Variants in GRK3 observed in about 807,000 individuals in gnomAD.
The protein encoded by GRK3 is G protein-coupled receptor kinase 3.
Under a neutral mutation model 95.7 loss-of-function variants are expected in GRK3, and 54 were observed. The observed-to-expected ratio is 0.56, with a 90% confidence interval of 0.45 to 0.71. The LOEUF is 0.71. Among genes scored for constraint, GRK3 ranks in the 30% least tolerant of loss-of-function variants. GRK3 has a pLI of 0.00. For synonymous variants in GRK3, 281 were observed against 290.8 expected, an observed-to-expected ratio of 0.97 and a Z score of 0.34; for missense variants, 649 against 851.2, an observed-to-expected ratio of 0.76 and a Z score of 2.96.
intron 3 of GRK3, among the ~76,000 whole-genome samples, chr22:25,645,731 G>A (rs1010302908): frequency 2.6e-5 from 4 of 152,162 alleles, no homozygotes; most frequent in South Asian, 2.1e-4. Context: ...GACCATCCTG[G>A]CTAACATGGT....
chr22:25,667,830 A>G lies in GRK3; in HGVS notation c.503+30A>G, dbSNP rs184215569. On this transcript the variant is annotated intron_variant, in intron 6 of 20. Coordinates refer to ENST00000324198, the MANE Select transcript of GRK3 (RefSeq NM_005160.4). ...GAAACTTTATGCATATATATACACA[A>G]TTTTTTATCATGTACGTGTACCTCA... 3.8e-6 allele frequency: 5 copies of G among 1,308,608 alleles called. No individual in the cohort carries two copies. The Admixed American group carries it at 5.2e-5, about 14-fold the overall frequency. 81.1% of individuals were successfully genotyped at this position (1,308,608 alleles called of 1,614,324 possible).
rs767552697 is a variant in GRK3 at position 25,667,700 on chromosome 22, G to A, written c.442-39G>A. The stretch of plus-strand genomic sequence containing the variant: ...GGTTTGTGTTTTTTTGATACATTCC[G>A]ATTCATTCACCGTGGAATTTCTTTT... On this transcript the variant is annotated intron_variant, in intron 5 of 20. Transcript: ENST00000324198. 7 of 1,465,636 alleles carry A rather than the reference G, an allele frequency of 4.8e-6. No individual in the cohort carries two copies. The East Asian group carries it at 6.8e-5, about 14-fold the overall frequency. The allele number at this position is 1,465,636 out of a possible 1,614,324, so 90.8% of individuals were successfully genotyped here. A position where few individuals can be genotyped will look rare whatever the true frequency, so the allele number is the denominator to read the frequency against.
At chr22:25,660,458 GATCTTTCAGGACA>G in intron 3 of GRK3, among the ~76,000 whole-genome samples, 1 of 152,290 alleles carries the variant, frequency 6.6e-6, no homozygotes, top group East Asian at 1.9e-4. Flanking sequence ...TAACACTGAT[GATCTTTCAGGACA>G]ATTAAGATGT....
chr22:25,583,665 G>A (rs1294186299), intron 1 of GRK3, among the ~76,000 whole-genome samples: 1 of 152,162 alleles, frequency 6.6e-6, no homozygotes, highest in Admixed American at 6.5e-5. Context: ...TAAGGATGCA[G>A]CACCTATCTT....
At chr22:25,578,955 A>C (rs984023784) in intron 1 of GRK3, among the ~76,000 whole-genome samples, 2 of 152,124 alleles carry the variant, frequency 1.3e-5, no homozygotes, top group African/African-American at 4.8e-5. Flanking sequence ...ATCTCATGCT[A>C]TCCACAAGAG....
chr22:25,587,473 GGCTGGA>G (rs1221664824), intron 1 of GRK3, among the ~76,000 whole-genome samples: 3 of 152,034 alleles, frequency 2.0e-5, no homozygotes, highest in Non-Finnish European at 4.4e-5. Context: ...CTGTCACCCA[GGCTGGA>G]GTGCAGTGGC....
At chr22:25,651,571 A>G (rs2146391148) in intron 3 of GRK3, among the ~76,000 whole-genome samples, 1 of 152,362 alleles carries the variant, frequency 6.6e-6, no homozygotes, top group Middle Eastern at 3.4e-3. Context: ...ACAACTTGTG[A>G]CATGAGATTC....
intron 2 of GRK3, among the ~76,000 whole-genome samples, chr22:25,643,743 A>G (rs935291708): frequency 6.6e-6 from 1 of 152,218 alleles, no homozygotes; most frequent in African/African-American, 2.4e-5. Flanking sequence ...GGAGCCTTAT[A>G]AATCAGGTAA....
chr22:25,661,719 T>C, intron 4 of GRK3, 42 bp downstream of exon 4: 1 of 1,244,678 alleles, frequency 8.0e-7, no homozygotes, highest in Non-Finnish European at 1.2e-6. Context: ...TACTGATGAA[T>C]AAGGGACCAT....
At chr22:25,708,337 G>A (rs2085316478) in intron 15 of GRK3, among the ~76,000 whole-genome samples, 1 of 152,164 alleles carries the variant, frequency 6.6e-6, no homozygotes, top group Admixed American at 6.5e-5. Flanking sequence ...CCTGAGGGAA[G>A]ACAGGCATCC....
chr22:25,656,617 A>G (rs1330214346), intron 3 of GRK3, among the ~76,000 whole-genome samples: 1 of 152,174 alleles, frequency 6.6e-6, no homozygotes, highest in Non-Finnish European at 1.5e-5. Flanking sequence ...ATGAGCTACT[A>G]CTACTCCTGG....
chr22:25,637,375 GT>G (rs2084710084), intron 2 of GRK3, among the ~76,000 whole-genome samples: 1 of 152,196 alleles, frequency 6.6e-6, no homozygotes, highest in African/African-American at 2.4e-5. Flanking sequence ...TTGCTTATAT[GT>G]TTCTCTGGAG....
At chr22:25,712,116 G>A (rs2085348536) in intron 17 of GRK3, among the ~76,000 whole-genome samples, 1 of 152,220 alleles carries the variant, frequency 6.6e-6, no homozygotes, top group Non-Finnish European at 1.5e-5. Context: ...AGTGGCAGCT[G>A]GTCAGAGCTA....
intron 1 of GRK3, among the ~76,000 whole-genome samples, chr22:25,587,312 C>T (rs192489308): frequency 4.7e-4 from 72 of 152,348 alleles, no homozygotes; most frequent in Non-Finnish European, 1.0e-3. Flanking sequence ...TAGTCTCTGT[C>T]CTCTAATAAT....
At chr22:25,570,179 A>G (rs1472061688) in intron 1 of GRK3, among the ~76,000 whole-genome samples, 2 of 152,350 alleles carry the variant, frequency 1.3e-5, no homozygotes, top group East Asian at 3.9e-4. Context: ...CGAAAACGGT[A>G]ATTATGAGTA....
chr22:25,687,744 T>C, intron 11 of GRK3, 77 bp downstream of exon 11: 1 of 1,522,042 alleles, frequency 6.6e-7, no homozygotes, highest in Non-Finnish European at 9.0e-7. Context: ...TTCTATTTCA[T>C]AGAGTCCTGT....
chr22:25,579,675 C>T (rs760292518), intron 1 of GRK3, among the ~76,000 whole-genome samples: 2 of 151,726 alleles, frequency 1.3e-5, no homozygotes, highest in Admixed American at 6.6e-5. Flanking sequence ...GGTTTCACCG[C>T]GTTAGCCAGG....
chr22:25,627,822 G>C (rs1338284253), intron 2 of GRK3, among the ~76,000 whole-genome samples: 1 of 152,212 alleles, frequency 6.6e-6, no homozygotes, highest in African/African-American at 2.4e-5. Context: ...ATGTTTAAGA[G>C]GAGGATGCTA....
intron 15 of GRK3, 134 bp from the exon 16 acceptor site, chr22:25,709,764 A>G (rs1052303990): frequency 1.5e-5 from 10 of 681,330 alleles, no homozygotes; most frequent in Non-Finnish European, 2.1e-5. Flanking sequence ...TGAAGGAAGC[A>G]TATTTGTTTG....
Sources: allele counts gnomAD v4.1 joint callset (sites outside exome capture counted in the v4.1 genomes callset), GRCh38; gene constraint gnomAD v4.1.1; transcripts MANE v1.5; gene names NCBI Gene and HGNC (gene_info 2026-07-23, HGNC 2026-07-21).